The following FARS2 variants were observed in gnomAD, a reference collection of about 807,000 sequenced individuals.
FARS2 encodes the protein phenylalanyl-tRNA synthetase 2, mitochondrial, also known as phenylalanine--tRNA ligase, mitochondrial.
FARS2 carries 40 observed loss-of-function variants against 46.4 expected under a neutral mutation model. The observed-to-expected ratio is 0.86, with a 90% CI of 0.67 to 1.12. FARS2 has a LOEUF of 1.12. Ranked by LOEUF, FARS2 falls within the 50% of genes most tolerant of loss-of-function variation. FARS2 has a pLI of 0.00. For synonymous variants in FARS2, 234 were observed against 214.9 expected (o/e 1.09, Z -0.78); for missense variants, 513 against 567.9 (o/e 0.90, Z 0.98).
At chr6:5,465,633 T>G (rs1765471386) in intron 4 of FARS2, among the ~76,000 whole-genome samples, 1 of 152,212 alleles carries the variant, frequency 6.6e-6, no homozygotes. Flanking sequence ...CAGTGTTACC[T>G]TCTATAGCCA....
chr6:5,444,486 AAAAAAAAGAGAGAGAG>A (rs1467674943), intron 4 of FARS2, among the ~76,000 whole-genome samples: 1 of 87,108 alleles, frequency 1.1e-5, no homozygotes, highest in African/African-American at 5.6e-5. Flanking sequence ...AAAAAAAAAA[AAAAAAAAGAGAGAGAG>A]AGAGAGAGAG....
chr6:5,612,774 C>G (rs774945239), intron 5 of FARS2, among the ~76,000 whole-genome samples: 1 of 152,102 alleles, frequency 6.6e-6, no homozygotes, highest in Non-Finnish European at 1.5e-5. Flanking sequence ...AGCTCTTATT[C>G]CTCTACTAAA....
At chr6:5,323,145 C>T (rs1022678965) in intron 1 of FARS2, among the ~76,000 whole-genome samples, 2 of 152,098 alleles carry the variant, frequency 1.3e-5, no homozygotes, top group African/African-American at 4.8e-5. Flanking sequence ...TGGAAGTACT[C>T]ATCATATACT....
rs186206874 is a variant in FARS2 at position 5,747,921 on chromosome 6, C to T, written c.1218-23370C>T. Among the ~76,000 whole-genome samples the T allele has an allele frequency of 7.2e-5, 11 of 152,294 alleles. No homozygotes were observed. The East Asian group carries it at 2.1e-3, about 29-fold the overall frequency. On this transcript the variant is annotated intron_variant, in intron 6 of 6. Transcript: ENST00000274680. ...ATCAACTGATCTTAAAAATCTATATCTGAAGCCTCCATTTTCTCTGATTCT... is the reference window on the plus strand; with the variant it reads ...ATCAACTGATCTTAAAAATCTATATTTGAAGCCTCCATTTTCTCTGATTCT...
intron 4 of FARS2, among the ~76,000 whole-genome samples, chr6:5,432,794 A>G (rs1374041646): frequency 6.6e-6 from 1 of 152,020 alleles, no homozygotes; most frequent in Non-Finnish European, 1.5e-5. Flanking sequence ...TGAATAGACC[A>G]TGGGTAAGGA....
chr6:5,253,324 A>C, the FARS2 span, among the ~76,000 whole-genome samples: 7 of 152,198 alleles, frequency 4.6e-5, no homozygotes, highest in Admixed American at 3.9e-4. Context: ...GTTGGTGCAA[A>C]AGGAATGCAG....
rs144450905 is a variant in FARS2, at chr6:5,405,359, C to T, written c.772+658C>T. ...GCTAGAGAAAGAAAAATGATTATAA[C>T]GTTTGCTAAGAATGATAATGGATTA... On this transcript the variant is annotated intron_variant, in intron 3 of 6. Transcript: ENST00000274680. Among the ~76,000 whole-genome samples, 134 of 151,578 alleles carry T rather than the reference C, an allele frequency of 8.8e-4. 1 individual carries two copies. Among genetic ancestry groups the T allele is most frequent in the African/African-American group, 3.1e-3 (126 of 41,292 alleles).
rs147828049 is a variant in FARS2 at position 5,388,190 on chromosome 6, C to T, written c.613-16352C>T. Among the ~76,000 whole-genome samples, 38 of 152,266 alleles carry T rather than the reference C, an allele frequency of 2.5e-4. 1 individual carries two copies. Among genetic ancestry groups the T allele is most frequent in the African/African-American group, 9.1e-4 (38 of 41,536 alleles). Reference sequence around the variant, plus strand: ...ATGAACCAATAATTTGAAGCATCCCCTTTCTTGTGTCTTTGGGATTATCTT... The same window carrying T: ...ATGAACCAATAATTTGAAGCATCCCTTTTCTTGTGTCTTTGGGATTATCTT... On this transcript the variant is annotated intron_variant, in intron 2 of 6. Coordinates refer to ENST00000274680, the MANE Select transcript of FARS2 (RefSeq NM_006567.5).
the FARS2 span, among the ~76,000 whole-genome samples, chr6:5,251,181 C>T: frequency 6.6e-6 from 1 of 152,166 alleles, no homozygotes; most frequent in African/African-American, 2.4e-5. Flanking sequence ...TATACATACA[C>T]ACACACACAC....
intron 1 of FARS2, among the ~76,000 whole-genome samples, chr6:5,314,647 A>T (rs1282366201): frequency 6.6e-6 from 1 of 152,136 alleles, no homozygotes; most frequent in African/African-American, 2.4e-5. Flanking sequence ...TAATCATCTT[A>T]TAGCTCATTT....
chr6:5,281,915 A>T (rs999454373), intron 1 of FARS2, among the ~76,000 whole-genome samples: 2 of 152,202 alleles, frequency 1.3e-5, no homozygotes, highest in African/African-American at 4.8e-5. Context: ...CATTTAAGAA[A>T]ACAATAATTC....
In FARS2 at chr6:5,446,202, TAAA is replaced by T. The variant is rs1277761196; in HGVS notation, c.904+15043_904+15045del. 2.9e-5 allele frequency among the ~76,000 whole-genome samples: 4 copies of T among 136,158 alleles called. No homozygotes were observed. The Admixed American group carries it at 3.0e-4, about 10-fold the overall frequency. The allele number at this position is 136,158 out of a possible 152,430, so 89.3% of individuals were successfully genotyped here. A position where few individuals can be genotyped will look rare whatever the true frequency, so the allele number is the denominator to read the frequency against. Reference sequence around the variant, plus strand: ...TGGGCGACAGAGTGAGACTCCATCTTAAAAAAAAAAAAAAAGAAAATTTTTTTT... The same window carrying T: ...TGGGCGACAGAGTGAGACTCCATCTTAAAAAAAAAAAAGAAAATTTTTTTT... On this transcript the variant is annotated intron_variant, in intron 4 of 6. Transcript: ENST00000274680.
intron 4 of FARS2, among the ~76,000 whole-genome samples, chr6:5,440,042 C>T (rs1434783297): frequency 6.6e-6 from 1 of 152,106 alleles, no homozygotes; most frequent in African/African-American, 2.4e-5. Context: ...AGCCTTTTTC[C>T]CTTTTCAAAA....
chr6:5,670,391 C>T (rs1778391859), intron 6 of FARS2, among the ~76,000 whole-genome samples: 1 of 152,206 alleles, frequency 6.6e-6, no homozygotes, highest in East Asian at 1.9e-4. Flanking sequence ...CATTTACTTA[C>T]TAAACTTTTG....
At chr6:5,552,755 C>G (rs1410048689) in intron 5 of FARS2, among the ~76,000 whole-genome samples, 2 of 152,158 alleles carry the variant, frequency 1.3e-5, no homozygotes, top group Non-Finnish European at 2.9e-5. Flanking sequence ...TGGATCTGTG[C>G]TTGAGATAAG....
At chr6:5,768,216 T>C (rs1385200391) in intron 6 of FARS2, among the ~76,000 whole-genome samples, 1 of 152,224 alleles carries the variant, frequency 6.6e-6, no homozygotes, top group African/African-American at 2.4e-5. Context: ...TTTCACTTGA[T>C]TCTATTGAAT....
chr6:5,273,046 C>T (rs80070117), intron 1 of FARS2, among the ~76,000 whole-genome samples: 1,789 of 152,270 alleles, frequency 0.012, 15 homozygotes, highest in Middle Eastern at 0.02. Flanking sequence ...TTTCTTTGTC[C>T]TTTCATCCCT....
chr6:5,479,993 T>C (rs1466417745), intron 4 of FARS2, among the ~76,000 whole-genome samples: 3 of 152,256 alleles, frequency 2.0e-5, no homozygotes, highest in African/African-American at 7.2e-5. Flanking sequence ...TCTGCACAGA[T>C]CTTTCCAAAG....
intron 4 of FARS2, among the ~76,000 whole-genome samples, chr6:5,439,367 GA>G (rs1763716686): frequency 6.6e-6 from 1 of 152,222 alleles, no homozygotes; most frequent in South Asian, 2.1e-4. Flanking sequence ...CAGACACACA[GA>G]CAGGCTTCTC....
Sources: gnomAD v4.1 joint callset for allele counts (sites outside exome capture counted in the v4.1 genomes callset) on GRCh38, gnomAD v4.1.1 for gene constraint, MANE v1.5 for transcripts, NCBI Gene and HGNC (gene_info 2026-07-23, HGNC 2026-07-21) for gene names.